NRXN1: variants seen among roughly 807,000 people sequenced by gnomAD.
The protein encoded by NRXN1 is neurexin-1.
A neutral mutation model predicts 150.9 loss-of-function variants in NRXN1; 39 were observed. The observed-to-expected ratio is 0.26, with a 90% CI of 0.20 to 0.34. The LOEUF (loss-of-function observed/expected upper bound fraction) is 0.34, where lower values mean the gene tolerates loss of function less well. NRXN1 is among the 10% of genes least tolerant of loss of function. NRXN1 has a pLI of 1.00. For synonymous variants in NRXN1, 924 were observed against 757.0 expected, an observed-to-expected ratio of 1.22 and a Z score of -3.62; for missense variants, 1,815 against 1,949.9, an observed-to-expected ratio of 0.93 and a Z score of 1.30.
chr2:50,381,021 T>C (rs1210362452), intron 17 of NRXN1, among the ~76,000 whole-genome samples: 1 of 152,154 alleles, frequency 6.6e-6, no homozygotes, highest in South Asian at 2.1e-4. Context: ...TATTTGTCTC[T>C]ATTTAACCCA....
At chr2:50,322,138 A>G (rs1484572549) in intron 17 of NRXN1, among the ~76,000 whole-genome samples, 1 of 152,120 alleles carries the variant, frequency 6.6e-6, no homozygotes, top group Non-Finnish European at 1.5e-5. Context: ...ACAATCAAAG[A>G]AGGTTCCTGG....
At chr2:50,449,207 T>A (rs905354853) in intron 17 of NRXN1, among the ~76,000 whole-genome samples, 3 of 152,234 alleles carry the variant, frequency 2.0e-5, no homozygotes, top group Non-Finnish European at 4.4e-5. Context: ...TGCCTTGGCA[T>A]GCATTTAGCC....
At chr2:50,809,952 G>A (rs1349338410) in intron 5 of NRXN1, among the ~76,000 whole-genome samples, 1 of 152,084 alleles carries the variant, frequency 6.6e-6, no homozygotes, top group Non-Finnish European at 1.5e-5. Flanking sequence ...TCACTCACGT[G>A]GATTTTCAGC....
At chr2:50,819,134 A>C (rs1047267424) in intron 5 of NRXN1, among the ~76,000 whole-genome samples, 1 of 152,102 alleles carries the variant, frequency 6.6e-6, no homozygotes, top group Admixed American at 6.5e-5. Flanking sequence ...CAAACAATTA[A>C]AAATAGAACT....
intron 18 of NRXN1, among the ~76,000 whole-genome samples, chr2:50,170,071 T>A (rs1219412370): frequency 1.2e-4 from 18 of 152,016 alleles, no homozygotes; most frequent in Admixed American, 1.1e-3. Context: ...TGTATTTTAC[T>A]TCTATATAAT....
intron 22 of NRXN1, among the ~76,000 whole-genome samples, chr2:49,936,697 A>G (rs1373728850): frequency 6.6e-5 from 10 of 151,158 alleles, no homozygotes; most frequent in African/African-American, 2.4e-4. Flanking sequence ...GAGCTTTTCT[A>G]AAGTGTAGCA....
chr2:50,691,827 T>C (rs543343482), intron 5 of NRXN1, among the ~76,000 whole-genome samples: 2 of 152,252 alleles, frequency 1.3e-5, no homozygotes, highest in East Asian at 1.9e-4. Flanking sequence ...ACTTTCTCTC[T>C]CTGAACTAAA....
chr2:50,435,904 C>A (rs2085377416), intron 17 of NRXN1, among the ~76,000 whole-genome samples: 1 of 152,082 alleles, frequency 6.6e-6, no homozygotes, highest in Admixed American at 6.5e-5. Flanking sequence ...AACCCCGTGA[C>A]ACACAATTTA....
At chr2:50,104,771 T>C (rs940292957) in intron 18 of NRXN1, among the ~76,000 whole-genome samples, 15 of 152,148 alleles carry the variant, frequency 9.9e-5, no homozygotes, top group African/African-American at 3.4e-4. Context: ...TGCTAAACTA[T>C]ACCATTGCTC....
chr2:50,445,525 C>T (rs963629745), intron 17 of NRXN1, among the ~76,000 whole-genome samples: 1 of 152,130 alleles, frequency 6.6e-6, no homozygotes, highest in East Asian at 1.9e-4. Flanking sequence ...CTTTATTATC[C>T]TCCCAATTTG....
intron 21 of NRXN1, among the ~76,000 whole-genome samples, chr2:50,011,728 C>T (rs1651920142): frequency 6.6e-6 from 1 of 152,086 alleles, no homozygotes; most frequent in South Asian, 2.1e-4. Flanking sequence ...AAAATAAAGA[C>T]AATTCCAAGA....
intron 5 of NRXN1, among the ~76,000 whole-genome samples, chr2:50,850,349 A>G (rs1262759539): frequency 1.3e-5 from 2 of 152,156 alleles, no homozygotes; most frequent in East Asian, 1.9e-4. Flanking sequence ...GCTAGGAAAC[A>G]TTCAGTAAAT....
intron 2 of NRXN1, among the ~76,000 whole-genome samples, chr2:50,961,045 G>A (rs1300305665): frequency 3.3e-5 from 5 of 151,976 alleles, no homozygotes; most frequent in East Asian, 3.9e-4. Context: ...AAATGAACAC[G>A]TGACTTTTTT....
intron 8 of NRXN1, among the ~76,000 whole-genome samples, chr2:50,580,043 T>C (rs1212320244): frequency 6.6e-6 from 1 of 152,204 alleles, no homozygotes; most frequent in African/African-American, 2.4e-5. Flanking sequence ...TGAGAACAGG[T>C]CTTATTCTTC....
At chr2:50,131,509 G>T (rs1209539786) in intron 18 of NRXN1, among the ~76,000 whole-genome samples, 2 of 152,136 alleles carry the variant, frequency 1.3e-5, no homozygotes, top group Non-Finnish European at 1.5e-5. Flanking sequence ...CAGAGGACAT[G>T]GACCTTGTCT....
At chr2:50,764,683 C>A (rs1559228862) in intron 5 of NRXN1, among the ~76,000 whole-genome samples, 1 of 151,876 alleles carries the variant, frequency 6.6e-6, no homozygotes, top group Non-Finnish European at 1.5e-5. Context: ...AGCACACGTG[C>A]ACAGACAGAG....
intron 19 of NRXN1, among the ~76,000 whole-genome samples, chr2:50,079,532 A>C (rs1167289649): frequency 6.6e-6 from 1 of 152,018 alleles, no homozygotes; most frequent in Non-Finnish European, 1.5e-5. Flanking sequence ...TGAACTTTGA[A>C]TAGTGCCCAA....
At chr2:50,974,623 G>C (rs1181755556) in intron 2 of NRXN1, among the ~76,000 whole-genome samples, 1 of 151,734 alleles carries the variant, frequency 6.6e-6, no homozygotes, top group Non-Finnish European at 1.5e-5. Context: ...TTATATTTGT[G>C]GCATTATCTT....
At chr2:50,456,778 G>T (rs1039021996) in intron 17 of NRXN1, among the ~76,000 whole-genome samples, 1 of 151,820 alleles carries the variant, frequency 6.6e-6, no homozygotes, top group African/African-American at 2.4e-5. Flanking sequence ...TGGGCTTCAT[G>T]CATCCTCTTG....
Sources: gnomAD v4.1 joint callset for allele counts (sites outside exome capture counted in the v4.1 genomes callset) on GRCh38, gnomAD v4.1.1 for gene constraint, MANE v1.5 for transcripts, NCBI Gene and HGNC (gene_info 2026-07-23, HGNC 2026-07-21) for gene names.